FAM162A: variants seen among roughly 807,000 people sequenced by gnomAD.
The protein encoded by FAM162A is family with sequence similarity 162 member A, also known as protein FAM162A.
FAM162A carries 23 observed loss-of-function variants against 21.8 expected under a neutral mutation model. The ratio of observed to expected loss-of-function variants is 1.05; its 90% CI spans 0.76 to 1.49. The LOEUF (loss-of-function observed/expected upper bound fraction) is 1.49. Among genes scored for constraint, FAM162A ranks in the 40% most tolerant of loss-of-function variants. The pLI is 0.00. For synonymous variants in FAM162A, 53 were observed against 61.3 expected, an observed-to-expected ratio of 0.86 and a Z score of 0.64; for missense variants, 165 against 186.4, an observed-to-expected ratio of 0.89 and a Z score of 0.67.
chr3:122,391,460 T>C (rs536861333), intron 1 of FAM162A, among the ~76,000 whole-genome samples: 39 of 152,264 alleles, frequency 2.6e-4, no homozygotes, highest in Non-Finnish European at 5.0e-4. Context: ...TATATTTACA[T>C]TAGTCTATTA....
chr3:122,397,746 G>GGT (rs2107698227), intron 1 of FAM162A, among the ~76,000 whole-genome samples: 1 of 152,226 alleles, frequency 6.6e-6, no homozygotes, highest in Non-Finnish European at 1.5e-5. Context: ...TAAAGCTGAA[G>GGT]GTAACAATTG....
At position 122,404,207 on chromosome 3, in the gene FAM162A, G is replaced by T. The variant is rs746592402; in HGVS notation, c.158-51G>T. On this transcript the variant is annotated intron_variant, in intron 2 of 4. Transcript: ENST00000477892. ...ATACCATTTTTCTGTTGTTAAATTT[G>T]AGAGTTATAATCTCAAACACATAAA... The T allele has an allele frequency of 4.9e-6, 4 of 813,552 alleles. No homozygotes were observed. The Admixed American group carries it at 1.2e-4, about 23-fold the overall frequency. The allele number at this position is 813,552 out of a possible 1,614,324, so 50.4% of individuals were successfully genotyped here.
chr3:122,398,463 TA>T (rs2075639297), intron 1 of FAM162A, among the ~76,000 whole-genome samples: 1 of 152,226 alleles, frequency 6.6e-6, no homozygotes, highest in African/African-American at 2.4e-5. Context: ...ACATTCTTGC[TA>T]AAAGATCTAA....
At chr3:122,395,509 C>T (rs2075623045) in intron 1 of FAM162A, among the ~76,000 whole-genome samples, 1 of 152,046 alleles carries the variant, frequency 6.6e-6, no homozygotes, top group African/African-American at 2.4e-5. Flanking sequence ...CTGGAAATTG[C>T]AAAAACACTA....
chr3:122,402,802 T>G lies in FAM162A; in HGVS notation c.77T>G (p.Leu26Arg). Residue 26 changes from leucine (L) to arginine (R), a missense_variant, in exon 2 of 5, where the codon CTA becomes CGA. Coordinates refer to ENST00000477892, the MANE Select transcript of FAM162A (RefSeq NM_014367.4). ...TGTGAAAGAGATGTTTCCTCATCTCTAAGGCTTACCAGAAGCTCTGATTTG... is the reference window on the plus strand; with the variant it reads ...TGTGAAAGAGATGTTTCCTCATCTCGAAGGCTTACCAGAAGCTCTGATTTG... The part of the protein sequence containing the change: ...RLCERDVSSS[L>R]RLTRSSDLKR... 1 of 1,602,612 alleles carries G rather than the reference T, an allele frequency of 6.2e-7. No homozygotes were observed. The highest frequency in any genetic ancestry group is 8.5e-7 in the Non-Finnish European group (1 of 1,174,980).
intron 1 of FAM162A, among the ~76,000 whole-genome samples, chr3:122,387,804 A>G (rs746095806): frequency 6.6e-6 from 1 of 152,180 alleles, no homozygotes; most frequent in Non-Finnish European, 1.5e-5. Context: ...ACAAACATAT[A>G]TAATATACCA....
chr3:122,399,235 G>C (rs2075642505), intron 1 of FAM162A, among the ~76,000 whole-genome samples: 1 of 152,152 alleles, frequency 6.6e-6, no homozygotes, highest in Non-Finnish European at 1.5e-5. Context: ...ATGACCTCCA[G>C]CTCCATCAGT....
At chr3:122,384,408 CT>C in intron 1 of FAM162A, 109 bp downstream of exon 1, 2 of 1,311,718 alleles carry the variant, frequency 1.5e-6, no homozygotes, top group Non-Finnish European at 1.1e-6. Context: ...CCATGACGCA[CT>C]TTCTCGGTTC....
intron 1 of FAM162A, chr3:122,401,566 T>G (rs985539496): frequency 3.9e-5 from 49 of 1,263,556 alleles, no homozygotes; most frequent in Non-Finnish European, 5.0e-5. Context: ...TTTTTATTTT[T>G]TAAAAGCTCA....
At chr3:122,390,016 T>G (rs1481293892) in intron 1 of FAM162A, among the ~76,000 whole-genome samples, 1 of 152,178 alleles carries the variant, frequency 6.6e-6, no homozygotes, top group Admixed American at 6.5e-5. Flanking sequence ...CATCTGCCTG[T>G]GGTCCCAACT....
chr3:122,405,660 C>G (rs2075673471), intron 3 of FAM162A, among the ~76,000 whole-genome samples: 1 of 152,170 alleles, frequency 6.6e-6, no homozygotes, highest in Non-Finnish European at 1.5e-5. Flanking sequence ...TCCCCTCAGG[C>G]CCAAAATACT....
chr3:122,403,105 C>T (rs2075660282), intron 2 of FAM162A, among the ~76,000 whole-genome samples: 1 of 152,136 alleles, frequency 6.6e-6, no homozygotes, highest in African/African-American at 2.4e-5. Flanking sequence ...ATGTTTTACT[C>T]ATATGCAGGC....
intron 1 of FAM162A, among the ~76,000 whole-genome samples, chr3:122,398,420 T>G (rs1576250229): frequency 6.6e-6 from 1 of 152,374 alleles, no homozygotes; most frequent in East Asian, 1.9e-4. Context: ...CCTATTGATG[T>G]GGCATAATAA....
Position 122,409,771 on chromosome 3 carries a change from G to C in FAM162A, c.405G>C (p.Leu135Phe), listed in dbSNP as rs764846914. Residue 135 changes from leucine to phenylalanine, a missense_variant, in exon 5 of 5, where the codon TTG becomes TTC. Transcript: ENST00000477892. ...AAAGACACGAGACTTTAACAAGCTT[G>C]AACTTAGAAAAGAAAGCTCGTCTGA... is the stretch of plus-strand genomic sequence containing the variant. Reference protein sequence around the residue: ...AAQRHETLTSLNLEKKARLKE... With the variant: ...AAQRHETLTSFNLEKKARLKE... 1 of 1,613,902 alleles carries C rather than the reference G, an allele frequency of 6.2e-7. No individual in the cohort carries two copies. Among genetic ancestry groups the C allele is most frequent in the Non-Finnish European group, 8.5e-7 (1 of 1,179,946 alleles).
At chr3:122,398,587 A>G (rs2107698571) in intron 1 of FAM162A, among the ~76,000 whole-genome samples, 1 of 152,360 alleles carries the variant, frequency 6.6e-6, no homozygotes, top group East Asian at 1.9e-4. Context: ...GAGGGACACT[A>G]TAGGACTAAA....
At position 122,394,473 on chromosome 3, in the gene FAM162A, G is replaced by A. The variant is rs140018879; in HGVS notation, c.35-8287G>A. Among the ~76,000 whole-genome samples, 784 of 152,158 alleles carry A rather than the reference G, an allele frequency of 5.2e-3. 3 individuals are homozygous for A. Among genetic ancestry groups the A allele is most frequent in the South Asian group, 0.013 (65 of 4,822 alleles). ...CTAAGATAACCAGACAGACCTCTGT[G>A]GCCAAACACACAAAGGATACAAGGA... On this transcript the variant is annotated intron_variant, in intron 1 of 4. Transcript: ENST00000477892.
Position 122,384,273 on chromosome 3 carries a change from G to A in FAM162A, c.8G>A (p.Ser3Asn), listed in dbSNP as rs115407410. The A allele has an allele frequency of 0.018, 28,824 of 1,577,880 alleles. 486 individuals carry two copies. The highest frequency in any genetic ancestry group is 0.076 in the East Asian group (3,255 of 42,932). The change falls in exon 1 of 5, where the codon AGC becomes AAC. Residue 3 changes from serine to asparagine, a missense_variant. Transcript: ENST00000477892. Reference protein sequence around the residue: MGSLSGLRLAAGS... With the variant: MGNLSGLRLAAGS... ...GCGGAGTAGCAAGTGGCCATGGGGA[G>A]CCTCAGCGGTCTGCGCCTGGCAGCA...
At chr3:122,401,000 A>G (rs2075650840) in intron 1 of FAM162A, among the ~76,000 whole-genome samples, 1 of 152,158 alleles carries the variant, frequency 6.6e-6, no homozygotes, top group Non-Finnish European at 1.5e-5. Flanking sequence ...TGTTTTCCAT[A>G]TATACTTAAG....
chr3:122,408,354 C>A (rs1243781293), intron 4 of FAM162A, among the ~76,000 whole-genome samples: 4 of 152,132 alleles, frequency 2.6e-5, no homozygotes, highest in Non-Finnish European at 1.5e-5. Flanking sequence ...TCTTTTAATA[C>A]CATGTATAAT....
Sources: allele counts gnomAD v4.1 joint callset (sites outside exome capture counted in the v4.1 genomes callset), GRCh38; gene constraint gnomAD v4.1.1; transcripts MANE v1.5; gene names NCBI Gene and HGNC (gene_info 2026-07-23, HGNC 2026-07-21).